Variants in UVRAG observed in about 807,000 individuals in gnomAD.
The protein encoded by UVRAG is UV radiation resistance-associated gene protein.
A neutral mutation model predicts 78.0 loss-of-function variants in UVRAG; 19 were observed. The observed-to-expected ratio is 0.24, with a 90% CI of 0.17 to 0.36. UVRAG has a LOEUF of 0.36. Among genes scored for constraint, UVRAG ranks in the 10% least tolerant of loss-of-function variants. The pLI, the probability that UVRAG is intolerant of heterozygous loss-of-function variation, is 1.00. For missense variants in UVRAG, 740 were observed against 853.8 expected (o/e 0.87, Z 1.66); for synonymous variants, 323 against 324.6 (o/e 1.00, Z 0.05).
Position 76,044,417 on chromosome 11 carries a change from G to C in UVRAG, c.1227-21293G>C, listed in dbSNP as rs181151909. On this transcript the variant is annotated intron_variant, in intron 12 of 14. Transcript: ENST00000356136. ...AGTAGTAAATGTCAAACTTCTGACT[G>C]AACAAATGTGCTTATCTTTTCTCAC... Among the ~76,000 whole-genome samples the C allele has an allele frequency of 2.2e-3, 333 of 152,320 alleles. 2 individuals are homozygous for C. The highest frequency in any genetic ancestry group is 0.014 in the Middle Eastern group (4 of 294).
intron 12 of UVRAG, among the ~76,000 whole-genome samples, chr11:76,043,870 C>T (rs979726428): frequency 1.2e-4 from 18 of 152,308 alleles, no homozygotes; most frequent in Non-Finnish European, 2.2e-4. Flanking sequence ...AGCTCTTTGT[C>T]ACCTTAACCC....
chr11:75,849,076 C>T (rs972125272), intron 1 of UVRAG, among the ~76,000 whole-genome samples: 9 of 151,864 alleles, frequency 5.9e-5, no homozygotes, highest in East Asian at 3.9e-4. Flanking sequence ...TACTTGGGAG[C>T]GTGAGACAGG....
intron 9 of UVRAG, among the ~76,000 whole-genome samples, chr11:76,006,761 T>C (rs1387605455): frequency 1.3e-5 from 2 of 151,762 alleles, no homozygotes; most frequent in South Asian, 2.1e-4. Context: ...GTCCAACATA[T>C]TGGTTTTTGA....
chr11:75,828,805 A>ATATTTT lies in UVRAG; in HGVS notation c.117+13282_117+13283insATTTTT, dbSNP rs1478310271. On this transcript the variant is annotated intron_variant, in intron 1 of 14. Coordinates refer to ENST00000356136, the MANE Select transcript of UVRAG (RefSeq NM_003369.4). ...CATATATATATATATATATATATATATTTTTTTTTTTTTGTAGAGACAGGG... is the reference window on the plus strand; with the variant it reads ...CATATATATATATATATATATATATATATTTTTTTTTTTTTTTTTGTAGAGACAGGG... Among the ~76,000 whole-genome samples the ATATTTT allele has an allele frequency of 1.4e-3, 143 of 100,242 alleles. 3 individuals are homozygous for ATATTTT. The highest frequency in any genetic ancestry group is 1.6e-3 in the Non-Finnish European group (87 of 53,758). The allele number at this position is 100,242 out of a possible 152,430, so 65.8% of individuals were successfully genotyped here.
intron 13 of UVRAG, among the ~76,000 whole-genome samples, chr11:76,107,176 T>A (rs542637464): frequency 6.6e-6 from 1 of 152,242 alleles, no homozygotes; most frequent in Non-Finnish European, 1.5e-5. Context: ...ACCATCTTAA[T>A]TGAAATATTT....
intron 9 of UVRAG, among the ~76,000 whole-genome samples, chr11:76,004,891 A>G (rs1412130408): frequency 6.6e-6 from 1 of 152,194 alleles, no homozygotes; most frequent in African/African-American, 2.4e-5. Context: ...CTCTCCCAAC[A>G]TTCGTTTAAC....
chr11:76,124,643 G>A (rs1487429328), intron 14 of UVRAG, among the ~76,000 whole-genome samples: 1 of 152,232 alleles, frequency 6.6e-6, no homozygotes, highest in African/African-American at 2.4e-5. Flanking sequence ...GAGTACTTTA[G>A]TGTTTAACAA....
chr11:75,935,254 C>T (rs1041913331), intron 6 of UVRAG, among the ~76,000 whole-genome samples: 4 of 152,078 alleles, frequency 2.6e-5, no homozygotes, highest in Admixed American at 1.3e-4. Flanking sequence ...AAAAGATAAG[C>T]GTATGATACA....
At chr11:76,080,247 T>G (rs1951472113) in intron 13 of UVRAG, among the ~76,000 whole-genome samples, 1 of 152,182 alleles carries the variant, frequency 6.6e-6, no homozygotes, top group Non-Finnish European at 1.5e-5. Flanking sequence ...ATTAAAATTT[T>G]TGTGAAGATT....
At chr11:75,982,963 A>G (rs1304962786) in intron 7 of UVRAG, among the ~76,000 whole-genome samples, 4 of 152,158 alleles carry the variant, frequency 2.6e-5, no homozygotes, top group Non-Finnish European at 5.9e-5. Flanking sequence ...TAATGCTGCT[A>G]TGAACATTAG....
chr11:76,078,299 G>T (rs902787331), intron 13 of UVRAG, among the ~76,000 whole-genome samples: 1 of 152,024 alleles, frequency 6.6e-6, no homozygotes, highest in East Asian at 1.9e-4. Flanking sequence ...TCTAAATTTT[G>T]GAACTTTTAA....
At chr11:75,944,095 T>C (rs961308067) in intron 6 of UVRAG, among the ~76,000 whole-genome samples, 1 of 152,156 alleles carries the variant, frequency 6.6e-6, no homozygotes, top group East Asian at 1.9e-4. Context: ...CTTTGTTTTA[T>C]AGCACACAAC....
intron 14 of UVRAG, among the ~76,000 whole-genome samples, chr11:76,120,834 C>T (rs1465481547): frequency 6.6e-6 from 1 of 152,188 alleles, no homozygotes; most frequent in East Asian, 1.9e-4. Context: ...TTTCCGAGAG[C>T]AGCCGTGGAG....
intron 13 of UVRAG, among the ~76,000 whole-genome samples, chr11:76,086,380 G>A (rs1951589514): frequency 6.6e-6 from 1 of 152,144 alleles, no homozygotes; most frequent in South Asian, 2.1e-4. Flanking sequence ...CATGAATCCA[G>A]GAAACCAATC....
chr11:76,000,106 G>GA (rs1949782759), intron 8 of UVRAG, among the ~76,000 whole-genome samples: 1 of 152,100 alleles, frequency 6.6e-6, no homozygotes, highest in African/African-American at 2.4e-5. Context: ...CATTTAAAAA[G>GA]AGAGAGAAAG....
At chr11:75,827,613 A>AAAAC (rs111842552) in intron 1 of UVRAG, among the ~76,000 whole-genome samples, 5,617 of 151,812 alleles carry the variant, frequency 0.037, 326 homozygotes, top group African/African-American at 0.12. Flanking sequence ...CTCCGTCTCA[A>AAAAC]AAACAAACAA....
chr11:76,026,378 C>G (rs1278948069), intron 12 of UVRAG, among the ~76,000 whole-genome samples: 1 of 152,084 alleles, frequency 6.6e-6, no homozygotes, highest in Non-Finnish European at 1.5e-5. Context: ...TATAAAAATT[C>G]TCAGCTTCTG....
At chr11:76,043,592 C>CA (rs1950691980) in intron 12 of UVRAG, among the ~76,000 whole-genome samples, 1 of 152,024 alleles carries the variant, frequency 6.6e-6, no homozygotes, top group Non-Finnish European at 1.5e-5. Context: ...TCAAATTTGG[C>CA]AAAAAACTTA....
chr11:76,012,086 T>C (rs7942891), intron 11 of UVRAG, among the ~76,000 whole-genome samples: 19,248 of 152,000 alleles, frequency 0.13, 3,089 homozygotes, highest in African/African-American at 0.38. Context: ...TTTGGGGGAC[T>C]GAGGTGGGAG....
Sources: gnomAD v4.1 joint callset for allele counts (sites outside exome capture counted in the v4.1 genomes callset) on GRCh38, gnomAD v4.1.1 for gene constraint, MANE v1.5 for transcripts, NCBI Gene and HGNC (gene_info 2026-07-23, HGNC 2026-07-21) for gene names.